The following CARMIL1 variants were observed in gnomAD, a reference collection of about 807,000 sequenced individuals.
The protein encoded by CARMIL1 is capping protein regulator and myosin 1 linker 1, also known as F-actin-uncapping protein LRRC16A.
CARMIL1 carries 90 observed loss-of-function variants against 177.1 expected under a neutral mutation model. The observed-to-expected ratio is 0.51, with a 90% CI of 0.43 to 0.61. The LOEUF (loss-of-function observed/expected upper bound fraction) is 0.61, where lower values mean the gene tolerates loss of function less well. CARMIL1 is among the 20% of genes least tolerant of loss of function. The pLI is 0.00. For synonymous variants in CARMIL1, 577 were observed against 606.2 expected (o/e 0.95, Z 0.71); for missense variants, 1,380 against 1,667.0 (o/e 0.83, Z 3.00).
intron 2 of CARMIL1, among the ~76,000 whole-genome samples, chr6:25,385,142 A>G (rs925861123): frequency 1.3e-5 from 2 of 152,258 alleles, no homozygotes; most frequent in Admixed American, 6.5e-5. Flanking sequence ...TGTACAACTT[A>G]TCAGGAGAAC....
intron 8 of CARMIL1, among the ~76,000 whole-genome samples, chr6:25,463,878 A>G (rs1479817081): frequency 1.6e-5 from 2 of 127,876 alleles, no homozygotes; most frequent in Non-Finnish European, 3.1e-5. Context: ...GCTGGAGTGC[A>G]GTGGCCTGAT....
chr6:25,527,452 C>G (rs1807265600), intron 23 of CARMIL1, among the ~76,000 whole-genome samples: 1 of 152,118 alleles, frequency 6.6e-6, no homozygotes, highest in Non-Finnish European at 1.5e-5. Context: ...CCAGCCACAG[C>G]CAGTGCTGCA....
At chr6:25,453,029 C>T (rs779846272) in intron 8 of CARMIL1, among the ~76,000 whole-genome samples, 27 of 152,222 alleles carry the variant, frequency 1.8e-4, no homozygotes, top group Admixed American at 3.3e-4. Context: ...TAGCATTGTA[C>T]ATTGGTAACT....
intron 27 of CARMIL1, among the ~76,000 whole-genome samples, chr6:25,553,782 G>T (rs1416338576): frequency 6.6e-6 from 1 of 152,110 alleles, no homozygotes; most frequent in Non-Finnish European, 1.5e-5. Context: ...TTTTGAAATT[G>T]CAGAGGCAGG....
In CARMIL1 at chr6:25,537,937, TA is replaced by T; in HGVS notation, c.2154del (p.Lys718AsnfsTer53). 6.2e-7 allele frequency: 1 copy of T among 1,606,242 alleles called. No homozygotes were observed. The highest frequency in any genetic ancestry group is 8.5e-7 in the Non-Finnish European group (1 of 1,176,370). On this transcript the variant is annotated frameshift_variant, in exon 25 of 37. Transcript: ENST00000329474. LOFTEE classifies it high-confidence loss of function. The stretch of plus-strand genomic sequence containing the variant: ...GGGGGAGACGCTATCCAGGAAGATT[TA>T]AAATCAGCAGAGCGGCTCATGCGTG... ...NCGGDAIQED[L>X]KSAERLMRDA...
At chr6:25,488,692 A>G in intron 13 of CARMIL1, 107 bp downstream of exon 13, 2 of 884,994 alleles carry the variant, frequency 2.3e-6, no homozygotes, top group South Asian at 1.4e-5. Flanking sequence ...TCTCTTTGTC[A>G]TGACACCTTT....
intron 8 of CARMIL1, among the ~76,000 whole-genome samples, chr6:25,464,282 A>G (rs1210671161): frequency 6.6e-6 from 1 of 151,860 alleles, no homozygotes; most frequent in African/African-American, 2.4e-5. Context: ...CACTCATCTC[A>G]TCTTTTTAAA....
rs1808729154 is a variant in CARMIL1, at chr6:25,539,997, T to G, written c.2247T>G (p.Ser749Arg). 1 of 1,607,592 alleles carries G rather than the reference T, an allele frequency of 6.2e-7. No homozygotes were observed. ...HVGGASWAGA[S>R]GLLSSPIQET... is the part of the protein sequence containing the mutation. ...GTGGTGCATCTTGGGCGGGAGCCAG[T>G]GGCTTACTATCCAGTCCAATTCAGG... The change falls in exon 26 of 37, where the codon AGT becomes AGG. Residue 749 changes from serine (S) to arginine (R), a missense_variant. Physicochemically the swap from Ser to Arg is moderately radical, Grantham distance 110. Coordinates refer to ENST00000329474, the MANE Select transcript of CARMIL1 (RefSeq NM_017640.6).
At chr6:25,497,930 G>T (rs897932861) in intron 16 of CARMIL1, among the ~76,000 whole-genome samples, 7 of 152,128 alleles carry the variant, frequency 4.6e-5, no homozygotes, top group Admixed American at 1.3e-4. Context: ...CCATGTTAAT[G>T]TATTTCAAGG....
At position 25,309,395 on chromosome 6, in the gene CARMIL1, A is replaced by C. The variant is rs147570754; in HGVS notation, c.138+24486A>C. Reference sequence around the variant, plus strand: ...AAAAAAAGTAATTCACATACCATACATTTCACCTGTTTAAAGTGTACAATT... The same window carrying C: ...AAAAAAAGTAATTCACATACCATACCTTTCACCTGTTTAAAGTGTACAATT... On this transcript the variant is annotated intron_variant, in intron 2 of 36. Transcript: ENST00000329474. Among the ~76,000 whole-genome samples, 614 of 150,346 alleles carry C rather than the reference A, an allele frequency of 4.1e-3. 7 individuals carry two copies. Among genetic ancestry groups the C allele is most frequent in the African/African-American group, 0.014 (560 of 40,876 alleles).
At chr6:25,383,245 G>A (rs367560445) in intron 2 of CARMIL1, among the ~76,000 whole-genome samples, 7 of 152,082 alleles carry the variant, frequency 4.6e-5, no homozygotes, top group African/African-American at 1.2e-4. Flanking sequence ...AGGTAGGCTC[G>A]GATGGTGGTT....
rs371691048 is a variant in CARMIL1 at position 25,609,628 on chromosome 6, A to G, written c.3848-422A>G. Among the ~76,000 whole-genome samples the G allele has an allele frequency of 1.4e-4, 22 of 152,364 alleles. No homozygotes were observed. The East Asian group carries it at 3.9e-3, about 27-fold the overall frequency. On this transcript the variant is annotated intron_variant, in intron 35 of 36. Transcript: ENST00000329474. Reference sequence around the variant, plus strand: ...CCTACATATATGCATGCATGCATGCATGCATACACATACACACATATGTAT... The same window carrying G: ...CCTACATATATGCATGCATGCATGCGTGCATACACATACACACATATGTAT...
At chr6:25,370,596 C>T (rs1432615821) in intron 2 of CARMIL1, among the ~76,000 whole-genome samples, 1 of 152,162 alleles carries the variant, frequency 6.6e-6, no homozygotes, top group Non-Finnish European at 1.5e-5. Context: ...AGTCATACAG[C>T]CCCTGCATTT....
rs557109774 is a variant in CARMIL1, at chr6:25,515,614, C to T, written c.1633-61C>T. On this transcript the variant is annotated intron_variant, in intron 20 of 36. Transcript: ENST00000329474. This position sits in a 1 kb window ranked among gnomAD's most constrained non-coding sequence, Gnocchi z 5.0. Reference sequence around the variant, plus strand: ...CCCTCTCATTCTCCACGAAATGCGTCGTGGAGAGTGGGTGCTGCTTTGATG... The same window carrying T: ...CCCTCTCATTCTCCACGAAATGCGTTGTGGAGAGTGGGTGCTGCTTTGATG... The T allele has an allele frequency of 6.1e-6, 9 of 1,476,686 alleles. No individual in the cohort carries two copies. Among genetic ancestry groups the T allele is most frequent in the South Asian group, 2.7e-5 (2 of 75,428 alleles). The allele number at this position is 1,476,686 out of a possible 1,614,324, so 91.5% of individuals were successfully genotyped here.
chr6:25,547,016 C>A (rs1438450323), intron 26 of CARMIL1, among the ~76,000 whole-genome samples: 1 of 152,000 alleles, frequency 6.6e-6, no homozygotes, highest in Non-Finnish European at 1.5e-5. Context: ...GATCACGGCA[C>A]CACTGCACTC....
At chr6:25,390,760 G>A (rs984634924) in intron 2 of CARMIL1, among the ~76,000 whole-genome samples, 2 of 151,906 alleles carry the variant, frequency 1.3e-5, no homozygotes, top group African/African-American at 2.4e-5. Flanking sequence ...GTGTGATCTC[G>A]GCTCATTGTC....
chr6:25,312,269 T>C (rs1222904483), intron 2 of CARMIL1, among the ~76,000 whole-genome samples: 32 of 152,234 alleles, frequency 2.1e-4, no homozygotes, highest in Admixed American at 2.1e-3. Flanking sequence ...GACTTCCTAT[T>C]TGTCATAAAC....
At chr6:25,531,187 G>A (rs147224731) in intron 24 of CARMIL1, among the ~76,000 whole-genome samples, 8 of 152,260 alleles carry the variant, frequency 5.3e-5, no homozygotes, top group South Asian at 4.1e-4. Flanking sequence ...AATTAAAGAG[G>A]CAGAGGCTTT....
chr6:25,489,143 C>T (rs1345997874), intron 13 of CARMIL1, among the ~76,000 whole-genome samples: 3 of 145,380 alleles, frequency 2.1e-5, no homozygotes, highest in South Asian at 2.4e-4. Context: ...CCAGCCTGGG[C>T]GACAGTGTGA....
Sources: gnomAD v4.1 joint callset for allele counts (sites outside exome capture counted in the v4.1 genomes callset) on GRCh38, gnomAD v4.1.1 for gene constraint, Gnocchi (gnomAD v3.1) non-coding constraint, MANE v1.5 for transcripts, NCBI Gene and HGNC (gene_info 2026-07-23, HGNC 2026-07-21) for gene names.